XPOT: variants seen among roughly 807,000 people sequenced by gnomAD.
XPOT encodes exportin for tRNA, also known as exportin-T.
A neutral mutation model predicts 128.2 loss-of-function variants in XPOT; 34 were observed. The ratio of observed to expected loss-of-function variants is 0.27; its 90% confidence interval spans 0.20 to 0.35. The LOEUF (loss-of-function observed/expected upper bound fraction) is 0.35, where lower values mean the gene tolerates loss of function less well. Among genes scored for constraint, XPOT ranks in the 10% least tolerant of loss-of-function variants. XPOT has a pLI of 1.00. For synonymous variants in XPOT, 348 were observed against 394.3 expected, an observed-to-expected ratio of 0.88 and a Z score of 1.39; for missense variants, 838 against 1,125.3, an observed-to-expected ratio of 0.74 and a Z score of 3.65.
At chr12:64,416,655 A>G (rs1260629216) in intron 3 of XPOT, 43 bp from the exon 4 acceptor site, 5 of 1,497,808 alleles carry the variant, frequency 3.3e-6, no homozygotes, top group Non-Finnish European at 3.7e-6. Context: ...TGTTTTCCTC[A>G]GTTCATATTC....
intron 23 of XPOT, among the ~76,000 whole-genome samples, chr12:64,441,868 C>CA (rs575591110): frequency 6.9e-6 from 1 of 145,038 alleles, no homozygotes; most frequent in Non-Finnish European, 1.5e-5. Flanking sequence ...TTTGTTTTTG[C>CA]TTTTTTTTTT....
intron 2 of XPOT, among the ~76,000 whole-genome samples, chr12:64,412,460 T>C (rs948477822): frequency 2.0e-5 from 3 of 152,198 alleles, no homozygotes; most frequent in African/African-American, 7.2e-5. Flanking sequence ...TAGGTGGTAA[T>C]GCAACATACA....
intron 18 of XPOT, among the ~76,000 whole-genome samples, chr12:64,432,859 G>A (rs1446464702): frequency 3.3e-5 from 5 of 152,102 alleles, no homozygotes; most frequent in African/African-American, 1.2e-4. Flanking sequence ...AAATATGTCT[G>A]ACTATTATTT....
At chr12:64,407,314 A>G (rs1249974006) in intron 1 of XPOT, among the ~76,000 whole-genome samples, 1 of 151,880 alleles carries the variant, frequency 6.6e-6, no homozygotes, top group Non-Finnish European at 1.5e-5. Flanking sequence ...GTGAAACCCC[A>G]TCTCTACTAA....
chr12:64,404,838 C>G (rs1390612589), intron 1 of XPOT, 34 bp downstream of exon 1: 2 of 152,390 alleles, frequency 1.3e-5, no homozygotes, highest in Non-Finnish European at 2.9e-5. Flanking sequence ...GGGACCGGGA[C>G]CAGGTTTGGT....
At chr12:64,418,193 C>T in intron 5 of XPOT, 78 bp downstream of exon 5, 2 of 1,234,608 alleles carry the variant, frequency 1.6e-6, no homozygotes, top group South Asian at 1.3e-5. Flanking sequence ...GGAACTTTAC[C>T]TCAAAGATTT....
intron 1 of XPOT, among the ~76,000 whole-genome samples, chr12:64,406,136 C>T (rs554020554): frequency 6.6e-6 from 1 of 152,264 alleles, no homozygotes; most frequent in East Asian, 1.9e-4. Flanking sequence ...AGTGCAATGA[C>T]ACGATCTCCG....
chr12:64,406,378 A>AT (rs1408885215), intron 1 of XPOT, among the ~76,000 whole-genome samples: 4 of 128,818 alleles, frequency 3.1e-5, no homozygotes, highest in African/African-American at 9.0e-5. Context: ...CCAGCCAGCA[A>AT]TTTTTTTTAG....
rs1278402235 is a variant in XPOT at position 64,433,682 on chromosome 12, GAAGTA to G, written c.2452+82_2452+86del. 8 of 1,345,070 alleles carry G rather than the reference GAAGTA, an allele frequency of 5.9e-6. No individual in the cohort carries two copies. In the African/African-American group the frequency reaches 1.0e-4, roughly 18 times the overall value. 83.3% of individuals were successfully genotyped at this position (1,345,070 alleles called of 1,614,324 possible). A position where few individuals can be genotyped will look rare whatever the true frequency, so the allele number is the denominator to read the frequency against. ...ACATCTATATGACCAAGAGCAAACT[GAAGTA>G]AATACAGAAATTTTGAAGTTTGCTA... is the stretch of plus-strand genomic sequence containing the variant. On this transcript the variant is annotated intron_variant, in intron 19 of 24. Coordinates refer to ENST00000332707, the MANE Select transcript of XPOT (RefSeq NM_007235.6).
chr12:64,445,170 G>A, intron 24 of XPOT, 39 bp downstream of exon 24: 1 of 1,498,638 alleles, frequency 6.7e-7, no homozygotes, highest in Non-Finnish European at 9.2e-7. Context: ...CATACAATTA[G>A]GTAATGTTTG....
At chr12:64,412,485 C>T (rs906860197) in intron 2 of XPOT, among the ~76,000 whole-genome samples, 3 of 152,152 alleles carry the variant, frequency 2.0e-5, no homozygotes, top group African/African-American at 7.2e-5. Flanking sequence ...TAACTTCTAC[C>T]TTGTCCTCTG....
rs151064755 is a variant in XPOT, at chr12:64,430,150, A to G, written c.1839A>G (p.Lys613=). ...ATAGTGAATATCCGGCAGAAAGGAA[A>G]CAAGCCTTAATGAGGAATCTGTTGA... ...IVNSEYPAER[K]QALMRNLLTP... The change falls in exon 17 of 25, where the codon AAA becomes AAG. Residue 613 remains lysine (K), a synonymous_variant. Coordinates refer to ENST00000332707, the MANE Select transcript of XPOT (RefSeq NM_007235.6). 8 of 1,613,922 alleles carry G rather than the reference A, an allele frequency of 5.0e-6. No individual in the cohort carries two copies. Among genetic ancestry groups the G allele is most frequent in the South Asian group, 1.1e-5 (1 of 91,036 alleles).
At chr12:64,443,862 C>T (rs1047302054) in intron 23 of XPOT, among the ~76,000 whole-genome samples, 2 of 152,142 alleles carry the variant, frequency 1.3e-5, no homozygotes, top group Non-Finnish European at 2.9e-5. Context: ...TTTGTGATCT[C>T]TTATTTCACA....
intron 1 of XPOT, 140 bp downstream of exon 1, chr12:64,404,944 C>G (rs1168026623): frequency 6.6e-6 from 1 of 152,162 alleles, no homozygotes; most frequent in South Asian, 2.1e-4. Context: ...TATGGCGGTG[C>G]ACCCCCTGGC....
At chr12:64,439,906 A>G (rs941512044) in intron 23 of XPOT, among the ~76,000 whole-genome samples, 1 of 152,230 alleles carries the variant, frequency 6.6e-6, no homozygotes, top group Admixed American at 6.5e-5. Flanking sequence ...TAGAATTACA[A>G]TCTCTTATGT....
intron 23 of XPOT, among the ~76,000 whole-genome samples, chr12:64,440,242 C>A (rs899379434): frequency 6.6e-6 from 1 of 152,188 alleles, no homozygotes; most frequent in Admixed American, 6.5e-5. Flanking sequence ...CTTTTTGTGA[C>A]TGGCTGTTTC....
At chr12:64,425,205 TGACCATAAATTTCTGTTTTCA>T (rs1565799001) in intron 13 of XPOT, 23 bp downstream of exon 13, 2 of 1,613,290 alleles carry the variant, frequency 1.2e-6, no homozygotes, top group East Asian at 2.2e-5. Context: ...GAGATAATTT[TGACCATAAATTTCTGTTTTCA>T]GTATAAGCTA....
At chr12:64,448,050 G>A in intron 24 of XPOT, 55 bp from the exon 25 acceptor site, 1 of 1,522,130 alleles carries the variant, frequency 6.6e-7, no homozygotes. Flanking sequence ...CATTCTTCAG[G>A]TGAAAGTGAT....
intron 3 of XPOT, among the ~76,000 whole-genome samples, chr12:64,416,250 C>T (rs1175086210): frequency 6.6e-6 from 1 of 152,180 alleles, no homozygotes; most frequent in Admixed American, 6.5e-5. Flanking sequence ...TTGGATTTGG[C>T]TACAATAGAA....
Sources: allele counts gnomAD v4.1 joint callset (sites outside exome capture counted in the v4.1 genomes callset), GRCh38; gene constraint gnomAD v4.1.1; transcripts MANE v1.5; gene names NCBI Gene and HGNC (gene_info 2026-07-23, HGNC 2026-07-21).